The following RHEX variants were observed in gnomAD, a reference collection of about 807,000 sequenced individuals.
The protein encoded by RHEX is regulator of hemoglobinization and erythroid cell expansion.
A neutral mutation model predicts 20.1 loss-of-function variants in RHEX; 18 were observed. That is an observed-to-expected ratio of 0.90 (90% CI 0.62 to 1.33). The LOEUF (loss-of-function observed/expected upper bound fraction) is 1.33. RHEX is among the 40% of genes most tolerant of loss of function. The pLI is 0.00. For missense variants in RHEX, 192 were observed against 214.3 expected (o/e 0.90, Z 0.65); for synonymous variants, 87 against 77.1 (o/e 1.13, Z -0.67).
At position 206,098,151 on chromosome 1, in the gene RHEX, GC is replaced by G. The variant is rs782012431; in HGVS notation, c.84del (p.Ile29SerfsTer17). On this transcript the variant is annotated frameshift_variant, in exon 3 of 6. Transcript: ENST00000331555. LOFTEE classifies it high-confidence loss of function. Reference protein sequence around the residue: ...SLFLQACFLTAINYLLSRHMA... With the variant: ...SLFLQACFLTXINYLLSRHMA... The stretch of plus-strand genomic sequence containing the variant: ...CTTCCTGCAGGCCTGCTTCCTCACC[GC>G]CATCAACTACCTGCTCAGCAGGCAC... 1.4e-5 allele frequency: 22 copies of G among 1,613,446 alleles called. No homozygotes were observed. In the South Asian group the frequency reaches 2.4e-4, roughly 18 times the overall value.
At chr1:206,101,731 T>C in intron 5 of RHEX, 21 bp from the exon 6 acceptor site, 1 of 1,594,064 alleles carries the variant, frequency 6.3e-7, no homozygotes. Flanking sequence ...TTGACCCACA[T>C]GTCTCTGCTT....
intron 1 of RHEX, among the ~76,000 whole-genome samples, chr1:206,090,202 C>CTTTTTTTTTTT (rs59499927): frequency 4.4e-5 from 5 of 112,588 alleles, no homozygotes; most frequent in East Asian, 2.6e-4. Flanking sequence ...TCTTTTCTTT[C>CTTTTTTTTTTT]TTTTTTTTTT....
chr1:206,079,356 A>G (rs1204259659), intron 1 of RHEX, among the ~76,000 whole-genome samples: 1 of 152,224 alleles, frequency 6.6e-6, no homozygotes. Flanking sequence ...AATATGATGC[A>G]AGAGCCATAA....
chr1:206,092,046 CTCTT>C (rs1258508695), intron 1 of RHEX, among the ~76,000 whole-genome samples: 13 of 150,696 alleles, frequency 8.6e-5, no homozygotes, highest in African/African-American at 1.2e-4. Context: ...CTTTCTTTCT[CTCTT>C]TCTCTCTCTC....
intron 1 of RHEX, among the ~76,000 whole-genome samples, chr1:206,054,975 T>C (rs1553282389): frequency 1.3e-5 from 2 of 152,280 alleles, no homozygotes; most frequent in African/African-American, 4.8e-5. Context: ...AGTGCCTGGC[T>C]GAAATGGATC....
At chr1:206,100,649 C>T (rs764586135) in intron 4 of RHEX, among the ~76,000 whole-genome samples, 15 of 152,128 alleles carry the variant, frequency 9.9e-5, no homozygotes, top group Non-Finnish European at 1.3e-4. Context: ...TCTTGTTCAA[C>T]CCTCTTGTCT....
chr1:206,093,019 A>G (rs1345104246), intron 1 of RHEX, among the ~76,000 whole-genome samples: 4 of 152,166 alleles, frequency 2.6e-5, no homozygotes, highest in Non-Finnish European at 5.9e-5. Flanking sequence ...CAGGGCCTAG[A>G]GGGGACATCT....
chr1:206,078,890 T>C (rs1489959625), intron 1 of RHEX, among the ~76,000 whole-genome samples: 1 of 152,200 alleles, frequency 6.6e-6, no homozygotes, highest in Non-Finnish European at 1.5e-5. Flanking sequence ...AGCCATGACA[T>C]GTTGACTGTG....
At chr1:206,079,151 A>G (rs1468325360) in intron 1 of RHEX, among the ~76,000 whole-genome samples, 3 of 152,238 alleles carry the variant, frequency 2.0e-5, no homozygotes, top group Non-Finnish European at 4.4e-5. Context: ...AAAGCAGCTG[A>G]TATAGTGGCT....
At chr1:206,096,719 T>A (rs1553287698) in intron 1 of RHEX, among the ~76,000 whole-genome samples, 2 of 152,008 alleles carry the variant, frequency 1.3e-5, no homozygotes, top group East Asian at 3.8e-4. Context: ...CTTTCCAGTG[T>A]GTTGGCTCTA....
At chr1:206,101,690 G>A in intron 5 of RHEX, 62 bp from the exon 6 acceptor site, 1 of 1,281,016 alleles carries the variant, frequency 7.8e-7, no homozygotes, top group Non-Finnish European at 1.1e-6. Context: ...TCAGTCCTGG[G>A]GTCTTATTTC....
chr1:206,097,680 G>A, intron 1 of RHEX, 53 bp from the exon 2 acceptor site: 1 of 1,222,786 alleles, frequency 8.2e-7, no homozygotes, highest in Non-Finnish European at 1.2e-6. Context: ...TTTGCCCAAG[G>A]GAAATTTGTA....
chr1:206,074,336 A>G (rs1414999981), intron 1 of RHEX, among the ~76,000 whole-genome samples: 1 of 152,262 alleles, frequency 6.6e-6, no homozygotes, highest in African/African-American at 2.4e-5. Flanking sequence ...TGCTTAGCAC[A>G]GAGCCACATA....
At chr1:206,083,621 T>A (rs1662779351) in intron 1 of RHEX, 11 of 985,322 alleles carry the variant, frequency 1.1e-5, no homozygotes, top group Non-Finnish European at 1.3e-5. Flanking sequence ...AAACACAGAC[T>A]GGGATCAAAC....
intron 1 of RHEX, chr1:206,080,096 G>A (rs1398569916): frequency 1.3e-5 from 2 of 152,232 alleles, no homozygotes; most frequent in African/African-American, 4.8e-5. Context: ...TCTGAGCAGA[G>A]GGTGACATAA....
At chr1:206,066,542 G>A (rs1224881902) in intron 1 of RHEX, among the ~76,000 whole-genome samples, 1 of 152,166 alleles carries the variant, frequency 6.6e-6, no homozygotes, top group Non-Finnish European at 1.5e-5. Flanking sequence ...GCTTGAACCT[G>A]GGACGTCAAG....
intron 1 of RHEX, among the ~76,000 whole-genome samples, chr1:206,071,890 A>G (rs1662543441): frequency 6.6e-6 from 1 of 152,054 alleles, no homozygotes; most frequent in African/African-American, 2.4e-5. Flanking sequence ...AAGAAAGTGT[A>G]AAAAATTAAC....
intron 1 of RHEX, among the ~76,000 whole-genome samples, chr1:206,083,129 G>T (rs964016077): frequency 3.9e-5 from 6 of 152,202 alleles, no homozygotes; most frequent in Admixed American, 6.5e-5. Context: ...AGATGAGCTA[G>T]GTTGGAAAGT....
intron 1 of RHEX, among the ~76,000 whole-genome samples, chr1:206,057,588 A>G (rs1662217875): frequency 6.6e-6 from 1 of 152,252 alleles, no homozygotes; most frequent in Non-Finnish European, 1.5e-5. Context: ...CCACTGGGTT[A>G]TACTGGGTAT....
Sources: gnomAD v4.1 joint callset for allele counts (sites outside exome capture counted in the v4.1 genomes callset) on GRCh38, gnomAD v4.1.1 for gene constraint, MANE v1.5 for transcripts, NCBI Gene and HGNC (gene_info 2026-07-23, HGNC 2026-07-21) for gene names.